The following DNMBP variants were observed in gnomAD, a reference collection of about 807,000 sequenced individuals.
DNMBP encodes the protein dynamin binding protein.
DNMBP carries 87 observed loss-of-function variants against 150.0 expected under a neutral mutation model. The observed-to-expected ratio is 0.58, with a 90% CI of 0.49 to 0.69. The LOEUF (loss-of-function observed/expected upper bound fraction) is 0.69, where lower values mean the gene tolerates loss of function less well. Among genes scored for constraint, DNMBP ranks in the 30% least tolerant of loss-of-function variants. The pLI, the probability that DNMBP is intolerant of heterozygous loss-of-function variation, is 0.00. For synonymous variants in DNMBP, 711 were observed against 750.4 expected (o/e 0.95, Z 0.86); for missense variants, 1,774 against 1,949.0 (o/e 0.91, Z 1.69).
intron 1 of DNMBP, among the ~76,000 whole-genome samples, chr10:99,980,211 G>A (rs2040767194): frequency 6.6e-6 from 1 of 152,218 alleles, no homozygotes; most frequent in Admixed American, 6.5e-5. Flanking sequence ...TTGGGAGGCT[G>A]AGGCAGGCGG....
chr10:99,946,821 TA>T (rs2040362114), intron 4 of DNMBP, among the ~76,000 whole-genome samples: 1 of 151,868 alleles, frequency 6.6e-6, no homozygotes, highest in African/African-American at 2.4e-5. Flanking sequence ...AAACTATATG[TA>T]AACTATGCAT....
chr10:99,949,531 T>C (rs912453032), intron 4 of DNMBP, among the ~76,000 whole-genome samples: 10 of 152,246 alleles, frequency 6.6e-5, no homozygotes, highest in African/African-American at 1.9e-4. Context: ...CAGAAAAAAA[T>C]GACCTTATGA....
Position 99,894,997 on chromosome 10 carries a change from T to C in DNMBP, c.3105A>G (p.Arg1035=). ...ETEKNFRMQE[R]LIKSFIRDLS... is the part of the protein sequence containing the mutation. ...GGTCTCGGATAAAAGACTTAATCAA[T>C]CTTTCTTGCATTCGGAAGTTTTTTT... The change falls in exon 11 of 17, where the codon AGA becomes AGG. Residue 1035 remains arginine, a synonymous_variant. Transcript: ENST00000324109. The C allele has an allele frequency of 6.2e-7, 1 of 1,614,050 alleles. No homozygotes were observed. Among genetic ancestry groups the C allele is most frequent in the Non-Finnish European group, 8.5e-7 (1 of 1,179,970 alleles).
Position 99,929,806 on chromosome 10 carries a change from G to A in DNMBP, c.2261-20660C>T, listed in dbSNP as rs772923129. ...CCTCCTTGTTCTCCCCTGGTACACT[G>A]AGTCTGCAGACCATCCAGAAGGATC... On this transcript the variant is annotated intron_variant, in intron 4 of 16. Coordinates refer to ENST00000324109, the MANE Select transcript of DNMBP (RefSeq NM_015221.4). The A allele has an allele frequency of 1.0e-5, 7 of 702,804 alleles. No individual in the cohort carries two copies. In the East Asian group the frequency reaches 1.9e-4, roughly 19 times the overall value. 43.5% of individuals were successfully genotyped at this position (702,804 alleles called of 1,614,324 possible).
At position 99,954,851 on chromosome 10, in the gene DNMBP, G is replaced by C. The variant is rs543857781; in HGVS notation, c.2260+363C>G. On this transcript the variant is annotated intron_variant, in intron 4 of 16. Transcript: ENST00000324109. Reference sequence around the variant, plus strand: ...GGATCACCCAAGGCCAGGAGTTCAAGACCAGCCTGGCAACATGGCAAAACA... The same window carrying C: ...GGATCACCCAAGGCCAGGAGTTCAACACCAGCCTGGCAACATGGCAAAACA... Among the ~76,000 whole-genome samples, 661 of 151,070 alleles carry C rather than the reference G, an allele frequency of 4.4e-3. 3 individuals carry two copies. Among genetic ancestry groups the C allele is most frequent in the African/African-American group, 0.016 (646 of 41,178 alleles).
intron 4 of DNMBP, among the ~76,000 whole-genome samples, chr10:99,932,006 C>A (rs996563948): frequency 2.0e-5 from 3 of 152,146 alleles, no homozygotes; most frequent in Non-Finnish European, 4.4e-5. Flanking sequence ...AGAGAGGAGG[C>A]TGAAGAGATA....
chr10:99,939,108 G>T (rs2040266481), intron 4 of DNMBP, among the ~76,000 whole-genome samples: 1 of 151,762 alleles, frequency 6.6e-6, no homozygotes, highest in South Asian at 2.1e-4. Context: ...GGAAAAAAGG[G>T]AGAAAAGTGT....
In DNMBP at chr10:99,909,116, G is replaced by A. The variant is rs1351240760; in HGVS notation, c.2291C>T (p.Ser764Leu). The change falls in exon 5 of 17, where the codon TCA (serine) becomes TTA (leucine). Residue 764 changes from serine (S) to leucine (L), a missense_variant. Around this residue, in one of 2 missense-constraint regions of DNMBP, gnomAD observed 1,430 missense variants for 1,492.5 expected, o/e 0.96. Coordinates refer to ENST00000324109, the MANE Select transcript of DNMBP (RefSeq NM_015221.4). ...EMTLLSSQSSSLVAPSGSVSA... is the reference protein window; with the variant it reads ...EMTLLSSQSSLLVAPSGSVSA... ...CACAGACCCAGAAGGGGCCACCAGT[G>A]ATGAAGACTGGGAGGAGAGGAGCGT... The A allele has an allele frequency of 1.2e-6, 2 of 1,614,074 alleles. No homozygotes were observed. Among genetic ancestry groups the A allele is most frequent in the Non-Finnish European group, 8.5e-7 (1 of 1,179,986 alleles).
intron 6 of DNMBP, among the ~76,000 whole-genome samples, chr10:99,907,270 G>A (rs1161608464): frequency 6.6e-6 from 1 of 151,920 alleles, no homozygotes; most frequent in Non-Finnish European, 1.5e-5. Context: ...TGAGGCTGCA[G>A]TGAGCTGAAT....
chr10:99,903,405 T>C (rs1257347697), intron 6 of DNMBP, among the ~76,000 whole-genome samples: 1 of 151,864 alleles, frequency 6.6e-6, no homozygotes, highest in Non-Finnish European at 1.5e-5. Flanking sequence ...ATGAACCAGC[T>C]CACTGCAGCC....
At chr10:99,962,199 TAG>T (rs557574656) in intron 3 of DNMBP, among the ~76,000 whole-genome samples, 82 of 152,348 alleles carry the variant, frequency 5.4e-4, no homozygotes, top group Admixed American at 1.2e-3. Flanking sequence ...ATTTTACACT[TAG>T]AGAGAGTTGC....
At chr10:99,989,149 G>A (rs529675226) in intron 1 of DNMBP, among the ~76,000 whole-genome samples, 149 of 152,256 alleles carry the variant, frequency 9.8e-4, no homozygotes, top group South Asian at 2.5e-3. Context: ...ATATCATTAT[G>A]TATATCATTA....
intron 11 of DNMBP, among the ~76,000 whole-genome samples, chr10:99,891,893 T>G (rs1243314272): frequency 6.9e-6 from 1 of 144,072 alleles, no homozygotes; most frequent in African/African-American, 2.7e-5. Context: ...GGAGCGTCTC[T>G]GCCGCCCCGT....
intron 12 of DNMBP, among the ~76,000 whole-genome samples, chr10:99,887,967 G>A (rs1172066356): frequency 1.3e-5 from 2 of 151,952 alleles, no homozygotes; most frequent in Non-Finnish European, 2.9e-5. Context: ...TGGGATTACA[G>A]GTGTGCGCCA....
In DNMBP at chr10:99,966,189, G is replaced by A. The variant is rs141415714; in HGVS notation, c.268+2926C>T. On this transcript the variant is annotated intron_variant, in intron 3 of 16. Coordinates refer to ENST00000324109, the MANE Select transcript of DNMBP (RefSeq NM_015221.4). ...TAAAAGACAGAGCTAAAAAAAAAAC[G>A]TGAAAGGCATAGAAGGAAAGCTGAC... Among the ~76,000 whole-genome samples the A allele has an allele frequency of 2.5e-3, 387 of 152,102 alleles. 1 individual carries two copies. Among genetic ancestry groups the A allele is most frequent in the African/African-American group, 9.1e-3 (376 of 41,486 alleles).
At chr10:99,928,494 T>TAC (rs1401758444) in intron 4 of DNMBP, among the ~76,000 whole-genome samples, 3 of 152,172 alleles carry the variant, frequency 2.0e-5, no homozygotes, top group South Asian at 4.1e-4. Context: ...ACATACAGCA[T>TAC]ACACACACAC....
chr10:99,933,993 C>T (rs2133291848), intron 4 of DNMBP, among the ~76,000 whole-genome samples: 1 of 152,300 alleles, frequency 6.6e-6, no homozygotes, highest in East Asian at 1.9e-4. Context: ...GCCTCGGCGT[C>T]CCAAAGTGTT....
At chr10:99,908,354 G>A (rs986583106) in intron 5 of DNMBP, among the ~76,000 whole-genome samples, 2 of 152,180 alleles carry the variant, frequency 1.3e-5, no homozygotes, top group African/African-American at 4.8e-5. Flanking sequence ...CAAATGCACT[G>A]GGATACAAAT....
chr10:99,885,307 G>A lies in DNMBP; in HGVS notation c.3798+380C>T, dbSNP rs1168070635. Among the ~76,000 whole-genome samples, 5 of 152,124 alleles carry A rather than the reference G, an allele frequency of 3.3e-5. No individual in the cohort carries two copies. The South Asian group carries it at 6.2e-4, about 19-fold the overall frequency. On this transcript the variant is annotated intron_variant, in intron 14 of 16. Transcript: ENST00000324109. ...GGACAGATCACAAGGTCAAGAGATC[G>A]AGACCACCCTGGCCAACATGGTAAA...
Sources: allele counts gnomAD v4.1 joint callset (sites outside exome capture counted in the v4.1 genomes callset), GRCh38; gene constraint gnomAD v4.1.1; regional missense constraint gnomAD v4.1.1; transcripts MANE v1.5; gene names NCBI Gene and HGNC (gene_info 2026-07-23, HGNC 2026-07-21).